The following RPH3AL variants were observed in gnomAD, a reference collection of about 807,000 sequenced individuals.
RPH3AL encodes rabphilin 3A like (without C2 domains), also known as rab effector Noc2.
A neutral mutation model predicts 43.1 loss-of-function variants in RPH3AL; 38 were observed. The ratio of observed to expected loss-of-function variants is 0.88; its 90% confidence interval spans 0.68 to 1.15. The LOEUF (loss-of-function observed/expected upper bound fraction) is 1.15. Ranked by LOEUF, RPH3AL falls within the 50% of genes most tolerant of loss-of-function variation. The pLI, the probability that RPH3AL is intolerant of heterozygous loss-of-function variation, is 0.00. For synonymous variants in RPH3AL, 189 were observed against 176.3 expected, an observed-to-expected ratio of 1.07 and a Z score of -0.57; for missense variants, 462 against 423.2, an observed-to-expected ratio of 1.09 and a Z score of -0.81.
At chr17:275,554 A>T (rs1030214935) in intron 6 of RPH3AL, among the ~76,000 whole-genome samples, 1 of 152,120 alleles carries the variant, frequency 6.6e-6, no homozygotes, top group Non-Finnish European at 1.5e-5. Flanking sequence ...AACTGCACAC[A>T]AGTGTTTCTG....
intron 6 of RPH3AL, among the ~76,000 whole-genome samples, chr17:257,040 T>C (rs1234784118): frequency 2.8e-4 from 5 of 17,938 alleles, no homozygotes; most frequent in Admixed American, 4.5e-4. Flanking sequence ...CTACCCTACG[T>C]ACTTCCTATG....
At chr17:295,013 C>T in intron 5 of RPH3AL, among the ~76,000 whole-genome samples, 1 of 124,838 alleles carries the variant, frequency 8.0e-6, no homozygotes, top group South Asian at 2.8e-4. Flanking sequence ...AGGGAATGCA[C>T]ATCAGTGTGG....
chr17:306,964 A>G (rs2043503718), intron 5 of RPH3AL, among the ~76,000 whole-genome samples: 1 of 152,078 alleles, frequency 6.6e-6, no homozygotes, highest in African/African-American at 2.4e-5. Context: ...CCTGCTCCTG[A>G]AGTGCCCTCT....
intron 7 of RPH3AL, among the ~76,000 whole-genome samples, chr17:230,228 G>A (rs2041200565): frequency 6.6e-6 from 1 of 152,144 alleles, no homozygotes; most frequent in Non-Finnish European, 1.5e-5. Flanking sequence ...CCTCCTTCAG[G>A]CCCAGAGACA....
intron 4 of RPH3AL, among the ~76,000 whole-genome samples, chr17:320,968 G>A (rs1382484949): frequency 6.6e-6 from 1 of 152,174 alleles, no homozygotes; most frequent in Non-Finnish European, 1.5e-5. Flanking sequence ...TGACCTGCAG[G>A]TGTGCACAGC....
chr17:295,043 G>T (rs2043140145), intron 5 of RPH3AL, among the ~76,000 whole-genome samples: 1 of 133,480 alleles, frequency 7.5e-6, no homozygotes, highest in Non-Finnish European at 1.6e-5. Context: ...AGATGCTGCA[G>T]AAATGGACGG....
chr17:219,535 T>TTTTTTTC lies in RPH3AL; in HGVS notation c.727+87_727+88insGAAAAAA. 2 of 261,994 alleles carry TTTTTTTC rather than the reference T, an allele frequency of 7.6e-6. 1 individual carries two copies. The highest frequency in any genetic ancestry group is 1.7e-4 in the South Asian group (2 of 11,640). The allele number at this position is 261,994 out of a possible 1,614,324, so 16.2% of individuals were successfully genotyped here. ...TCTTTTCTTTTTCTTCCTTTTTTTT[T>TTTTTTTC]TTTTTTTGAGATGGAGTTTCGCTCC... On this transcript the variant is annotated intron_variant, in intron 8 of 9. Transcript: ENST00000331302.
At chr17:326,157 G>A (rs771835265) in intron 3 of RPH3AL, among the ~76,000 whole-genome samples, 3 of 152,238 alleles carry the variant, frequency 2.0e-5, no homozygotes, top group Non-Finnish European at 4.4e-5. Flanking sequence ...AGAGGGAGAC[G>A]GACCGACCTC....
chr17:315,219 T>TGTGACCCCACCTCCATTGACCTGTATTCC (rs2043932566), intron 5 of RPH3AL, among the ~76,000 whole-genome samples: 1 of 1,196 alleles, frequency 8.4e-4, no homozygotes, highest in African/African-American at 3.3e-3. Context: ...ACCTGTAGTC[T>TGTGACCCCACCTCCATTGACCTGTATTCC]CTGTGCCCCC....
chr17:340,375 CTCAGG>C (rs2151728612), intron 1 of RPH3AL, among the ~76,000 whole-genome samples: 1 of 150,878 alleles, frequency 6.6e-6, no homozygotes, highest in East Asian at 1.9e-4. Context: ...CTGCCCTGGG[CTCAGG>C]CCTCCCCACA....
At chr17:258,520 CCT>C (rs2042120811) in intron 6 of RPH3AL, among the ~76,000 whole-genome samples, 1 of 152,166 alleles carries the variant, frequency 6.6e-6, no homozygotes, top group African/African-American at 2.4e-5. Flanking sequence ...AGTGAGCCTC[CCT>C]GACTGCCCAG....
At chr17:223,536 G>T (rs1163662700) in intron 7 of RPH3AL, among the ~76,000 whole-genome samples, 2 of 152,178 alleles carry the variant, frequency 1.3e-5, no homozygotes, top group Non-Finnish European at 2.9e-5. Flanking sequence ...CTGGTGAGAG[G>T]TAAGACTGGA....
At chr17:240,560 C>T (rs1400971914) in intron 7 of RPH3AL, among the ~76,000 whole-genome samples, 1 of 152,178 alleles carries the variant, frequency 6.6e-6, no homozygotes, top group Non-Finnish European at 1.5e-5. Flanking sequence ...CGCGGCCTTT[C>T]GTCTCCGGCT....
At chr17:253,013 G>A (rs898901366) in intron 6 of RPH3AL, among the ~76,000 whole-genome samples, 1 of 152,168 alleles carries the variant, frequency 6.6e-6, no homozygotes. Flanking sequence ...ACATTCCCAG[G>A]AGGCTACAGT....
intron 6 of RPH3AL, among the ~76,000 whole-genome samples, chr17:253,083 T>C (rs1009234178): frequency 6.6e-6 from 1 of 152,210 alleles, no homozygotes; most frequent in South Asian, 2.1e-4. Context: ...AGGCCTCCTC[T>C]GTGGACCCTG....
At chr17:254,513 T>C (rs78043660) in intron 6 of RPH3AL, among the ~76,000 whole-genome samples, 98 of 6,354 alleles carry the variant, frequency 0.015, 12 homozygotes, top group Non-Finnish European at 0.016. Context: ...TGAGGGGAGC[T>C]GCACGGCGTC....
rs192658361 is a variant in RPH3AL at position 264,193 on chromosome 17, C to G, written c.439-16908G>C. Among the ~76,000 whole-genome samples, 2 of 152,176 alleles carry G rather than the reference C, an allele frequency of 1.3e-5. No individual in the cohort carries two copies. The highest frequency in any genetic ancestry group is 2.4e-5 in the African/African-American group (1 of 41,448). On this transcript the variant is annotated intron_variant, in intron 6 of 9. Coordinates refer to ENST00000331302, the MANE Select transcript of RPH3AL (RefSeq NM_006987.4). The surrounding 1 kb of genome is among the most constrained non-coding windows in gnomAD (Gnocchi z 4.8). The stretch of plus-strand genomic sequence containing the variant: ...ACTTGTTTCTAGCATTGTTTTCTGC[C>G]GGAAATGCCATCTGTCACTCAAACC...
At chr17:321,534 C>T (rs778764281) in intron 3 of RPH3AL, 119 bp from the exon 4 acceptor site, 32 of 1,216,292 alleles carry the variant, frequency 2.6e-5, no homozygotes, top group South Asian at 2.0e-4. Context: ...TGCCGCGTGC[C>T]GGGACGACGA....
rs369692103 is a variant in RPH3AL at position 218,870 on chromosome 17, G to A, written c.727+753C>T. Among the ~76,000 whole-genome samples, 12 of 152,330 alleles carry A rather than the reference G, an allele frequency of 7.9e-5. No homozygotes were observed. The South Asian group carries it at 2.3e-3, about 29-fold the overall frequency. ...GGGACCCCATGGTGGTTTCATGGCAGGACTGACCTAGTGCAGGGAGGTCTG... is the reference window on the plus strand; with the variant it reads ...GGGACCCCATGGTGGTTTCATGGCAAGACTGACCTAGTGCAGGGAGGTCTG... On this transcript the variant is annotated intron_variant, in intron 8 of 9. Coordinates refer to ENST00000331302, the MANE Select transcript of RPH3AL (RefSeq NM_006987.4).
Sources: allele counts gnomAD v4.1 joint callset (sites outside exome capture counted in the v4.1 genomes callset), GRCh38; gene constraint gnomAD v4.1.1; non-coding constraint Gnocchi (gnomAD v3.1); transcripts MANE v1.5; gene names NCBI Gene and HGNC (gene_info 2026-07-23, HGNC 2026-07-21).